NUP93: variants seen among roughly 807,000 people sequenced by gnomAD.
NUP93 encodes nuclear pore complex protein Nup93.
Under a neutral mutation model 107.8 loss-of-function variants are expected in NUP93, and 55 were observed. The ratio of observed to expected loss-of-function variants is 0.51; its 90% CI spans 0.41 to 0.64. NUP93 has a LOEUF of 0.64. Among genes scored for constraint, NUP93 ranks in the 30% least tolerant of loss-of-function variants. NUP93 has a pLI of 0.00. For missense variants in NUP93, 937 were observed against 1,044.7 expected (o/e 0.90, Z 1.42); for synonymous variants, 390 against 397.5 (o/e 0.98, Z 0.22).
intron 13 of NUP93, 96 bp from the exon 14 acceptor site, chr16:56,834,032 T>A: frequency 6.4e-7 from 1 of 1,550,788 alleles, no homozygotes; most frequent in Non-Finnish European, 8.8e-7. Context: ...CAGGAGTAGA[T>A]GCTGCTGGGT....
intron 3 of NUP93, among the ~76,000 whole-genome samples, chr16:56,797,305 C>T (rs1356504194): frequency 6.6e-6 from 1 of 152,154 alleles, no homozygotes; most frequent in African/African-American, 2.4e-5. Flanking sequence ...TTGTACCTTG[C>T]ATTGGAGTAT....
Position 56,773,649 on chromosome 16 carries a change from C to G in NUP93, c.297+14994C>G, listed in dbSNP as rs543399338. Among the ~76,000 whole-genome samples, 5 of 152,334 alleles carry G rather than the reference C, an allele frequency of 3.3e-5. 1 individual carries two copies. In the East Asian group the frequency reaches 5.8e-4, roughly 18 times the overall value. ...ATGTGATTCTCAGGCTCCCCGCAGA[C>G]CTATTGAATCCAAATCTGTGAGGGT... On this transcript the variant is annotated intron_variant, in intron 3 of 21. Coordinates refer to ENST00000308159, the MANE Select transcript of NUP93 (RefSeq NM_014669.5).
At position 56,828,895 on chromosome 16, in the gene NUP93, G is replaced by A. The variant is rs367821634; in HGVS notation, c.795-82G>A. On this transcript the variant is annotated intron_variant, in intron 8 of 21. Coordinates refer to ENST00000308159, the MANE Select transcript of NUP93 (RefSeq NM_014669.5). ...CTAGGCCCTGCCCTTCCAAGCTACA[G>A]TGTAATGTCATGGATATGGGCATAG... The A allele has an allele frequency of 5.8e-5, 84 of 1,440,284 alleles. No homozygotes were observed. The East Asian group carries it at 8.2e-4, about 14-fold the overall frequency. The allele number at this position is 1,440,284 out of a possible 1,614,324, so 89.2% of individuals were successfully genotyped here. A position where few individuals can be genotyped will look rare whatever the true frequency, so the allele number is the denominator to read the frequency against.
At chr16:56,755,273 C>G (rs909633763) in intron 2 of NUP93, among the ~76,000 whole-genome samples, 6 of 152,108 alleles carry the variant, frequency 3.9e-5, no homozygotes, top group Middle Eastern at 3.2e-3. Context: ...CAGTGGAATA[C>G]TGTTTGGCAA....
rs911754987 is a variant in NUP93, at chr16:56,759,246, A to C, written c.297+591A>C. On this transcript the variant is annotated intron_variant, in intron 3 of 21. Transcript: ENST00000308159. ...CTGACGTAAAATTGTTAAGGAAAAA[A>C]CTCACGGTCTGTTTAGTTTTTGAGG... 2.0e-5 allele frequency among the ~76,000 whole-genome samples: 3 copies of C among 151,940 alleles called. No homozygotes were observed. The East Asian group carries it at 5.8e-4, about 29-fold the overall frequency.
In NUP93 at chr16:56,783,933, T is replaced by C. The variant is rs1413309811; in HGVS notation, c.298-14543T>C. 6 of 956,902 alleles carry C rather than the reference T, an allele frequency of 6.3e-6. No homozygotes were observed. In the East Asian group the frequency reaches 3.4e-4, roughly 55 times the overall value. The allele number at this position is 956,902 out of a possible 1,614,324, so 59.3% of individuals were successfully genotyped here. On this transcript the variant is annotated intron_variant, in intron 3 of 21. Coordinates refer to ENST00000308159, the MANE Select transcript of NUP93 (RefSeq NM_014669.5). ...TTGAAAATTTGCTTTTGGTTGAATA[T>C]GCAAAATAGACTTTTAAATGAACGC...
At chr16:56,731,701 A>AC (rs1378919861) in intron 1 of NUP93, among the ~76,000 whole-genome samples, 2 of 152,074 alleles carry the variant, frequency 1.3e-5, no homozygotes. Flanking sequence ...GTGGGCCACC[A>AC]CACCCAGTCT....
chr16:56,829,713 A>T (rs1189189335), intron 9 of NUP93, among the ~76,000 whole-genome samples: 1 of 152,208 alleles, frequency 6.6e-6, no homozygotes, highest in Non-Finnish European at 1.5e-5. Context: ...AGGAGAGAGT[A>T]TCGGGAGGAC....
intron 1 of NUP93, among the ~76,000 whole-genome samples, chr16:56,747,612 C>T (rs1300177310): frequency 6.6e-6 from 1 of 151,076 alleles, no homozygotes; most frequent in Non-Finnish European, 1.5e-5. Context: ...GTTAGAATAA[C>T]AGTAGGGGAG....
intron 3 of NUP93, among the ~76,000 whole-genome samples, chr16:56,791,825 C>G (rs1962769574): frequency 6.6e-6 from 1 of 152,202 alleles, no homozygotes; most frequent in African/African-American, 2.4e-5. Flanking sequence ...ACTGCTTGGA[C>G]AGATGTGTAG....
In NUP93 at chr16:56,748,306, C is replaced by CT; in HGVS notation, c.60dup (p.Glu21Ter). ...CAAGCTGAACAGCTTGCTGCTGAGA[C>CT]TGAGGGCATCTCAGAGCTTCCCCAT... On this transcript the variant is annotated frameshift_variant, in exon 2 of 22. Transcript: ENST00000308159. LOFTEE classifies it high-confidence loss of function. The CT allele has an allele frequency of 1.2e-6, 2 of 1,613,956 alleles. No individual in the cohort carries two copies. The highest frequency in any genetic ancestry group is 1.7e-6 in the Non-Finnish European group (2 of 1,179,900).
intron 8 of NUP93, among the ~76,000 whole-genome samples, chr16:56,828,582 G>A (rs1478326716): frequency 6.6e-6 from 1 of 152,166 alleles, no homozygotes; most frequent in Non-Finnish European, 1.5e-5. Context: ...CTAGGTAAAA[G>A]GTTATGTGCA....
At chr16:56,839,233 C>CTTTTTTTTTTT (rs71152206) in intron 19 of NUP93, 164 bp downstream of exon 19, 3 of 52,744 alleles carry the variant, frequency 5.7e-5, no homozygotes, top group Non-Finnish European at 1.0e-4. Flanking sequence ...TCCTGTGTGG[C>CTTTTTTTTTTT]TTTTTTTTTT....
chr16:56,759,174 C>G (rs1331838229), intron 3 of NUP93, among the ~76,000 whole-genome samples: 2 of 152,160 alleles, frequency 1.3e-5, no homozygotes, highest in Non-Finnish European at 2.9e-5. Flanking sequence ...TCTCATTTAA[C>G]CAAACATGCC....
intron 5 of NUP93, among the ~76,000 whole-genome samples, chr16:56,806,668 G>A (rs1303765069): frequency 6.6e-6 from 1 of 152,132 alleles, no homozygotes; most frequent in Non-Finnish European, 1.5e-5. Flanking sequence ...ATATTGTGCT[G>A]CTCACAACAT....
intron 11 of NUP93, 114 bp downstream of exon 11, chr16:56,832,121 G>C: frequency 7.3e-7 from 1 of 1,363,772 alleles, no homozygotes; most frequent in Non-Finnish European, 1.0e-6. Context: ...AGGACCAGTG[G>C]GTTCCTCGTC....
intron 3 of NUP93, among the ~76,000 whole-genome samples, chr16:56,778,860 G>A (rs1040984921): frequency 2.0e-5 from 3 of 152,182 alleles, no homozygotes; most frequent in African/African-American, 7.2e-5. Context: ...AGAGCCACAG[G>A]CCTAGAGAGA....
chr16:56,836,495 T>G, intron 16 of NUP93, 106 bp from the exon 17 acceptor site: 1 of 707,054 alleles, frequency 1.4e-6, no homozygotes, highest in Non-Finnish European at 2.5e-6. Flanking sequence ...GGGCAAGCAA[T>G]TCCACTTGAA....
rs1188299237 is a variant in NUP93 at position 56,797,174 on chromosome 16, G to A, written c.298-1302G>A. Among the ~76,000 whole-genome samples the A allele has an allele frequency of 2.6e-5, 4 of 152,046 alleles. No individual in the cohort carries two copies. The East Asian group carries it at 5.8e-4, about 22-fold the overall frequency. ...AATCCCAGCTACTTGGGAGGCTGAG[G>A]CAGGAGGATCGCTTGAACCCAGGAG... On this transcript the variant is annotated intron_variant, in intron 3 of 21. Coordinates refer to ENST00000308159, the MANE Select transcript of NUP93 (RefSeq NM_014669.5).
Sources: gnomAD v4.1 joint callset for allele counts (sites outside exome capture counted in the v4.1 genomes callset) on GRCh38, gnomAD v4.1.1 for gene constraint, MANE v1.5 for transcripts, NCBI Gene and HGNC (gene_info 2026-07-23, HGNC 2026-07-21) for gene names.